The following ARFGEF3 variants were observed in gnomAD, a reference collection of about 807,000 sequenced individuals.
ARFGEF3 encodes the protein ARFGEF family member 3.
ARFGEF3 carries 96 observed loss-of-function variants against 221.7 expected under a neutral mutation model. The observed-to-expected ratio is 0.43, with a 90% confidence interval of 0.37 to 0.51. ARFGEF3 has a LOEUF of 0.51. Ranked by LOEUF, ARFGEF3 falls within the 20% of genes least tolerant of loss-of-function variation. The pLI is 0.00. For synonymous variants in ARFGEF3, 1,145 were observed against 1,126.8 expected (o/e 1.02, Z -0.32); for missense variants, 2,410 against 2,789.9 (o/e 0.86, Z 3.07).
chr6:138,281,615 T>C (rs1202665101), intron 14 of ARFGEF3, among the ~76,000 whole-genome samples: 1 of 152,258 alleles, frequency 6.6e-6, no homozygotes, highest in East Asian at 1.9e-4. Context: ...AGCCTTCAGC[T>C]ATGTCCATGT....
intron 2 of ARFGEF3, among the ~76,000 whole-genome samples, chr6:138,198,754 A>G (rs1188796296): frequency 1.3e-5 from 2 of 152,232 alleles, no homozygotes; most frequent in Non-Finnish European, 2.9e-5. Context: ...AACTGTCAAC[A>G]TAATGCATTG....
intron 14 of ARFGEF3, among the ~76,000 whole-genome samples, chr6:138,285,493 C>T (rs946991121): frequency 6.6e-6 from 1 of 151,706 alleles, no homozygotes; most frequent in African/African-American, 2.4e-5. Flanking sequence ...TTATTTATTG[C>T]ACTTTGCAAT....
intron 9 of ARFGEF3, 41 bp downstream of exon 9, chr6:138,254,025 C>A: frequency 7.4e-7 from 1 of 1,360,318 alleles, no homozygotes; most frequent in Non-Finnish European, 1.0e-6. Context: ...GATGCCAACC[C>A]AAGGGCTGCT....
intron 2 of ARFGEF3, among the ~76,000 whole-genome samples, chr6:138,178,671 A>C (rs2114444594): frequency 6.6e-6 from 1 of 152,180 alleles, no homozygotes; most frequent in Non-Finnish European, 1.5e-5. Flanking sequence ...GTGCCTTATA[A>C]ATGTTTGTGG....
Position 138,247,509 on chromosome 6 carries a change from A to G in ARFGEF3, c.665+1918A>G, listed in dbSNP as rs1778506426. ...CATCCCCGTCCAGTTCCCCTCCATCATAACACAGACAGCTGGTATAGCAGA... is the reference window on the plus strand; with the variant it reads ...CATCCCCGTCCAGTTCCCCTCCATCGTAACACAGACAGCTGGTATAGCAGA... On this transcript the variant is annotated intron_variant, in intron 8 of 33. Coordinates refer to ENST00000251691, the MANE Select transcript of ARFGEF3 (RefSeq NM_020340.5). Among the ~76,000 whole-genome samples the G allele has an allele frequency of 2.0e-5, 3 of 152,166 alleles. No homozygotes were observed. The South Asian group carries it at 6.2e-4, about 31-fold the overall frequency.
intron 31 of ARFGEF3, among the ~76,000 whole-genome samples, chr6:138,326,125 G>A (rs1487522696): frequency 6.6e-6 from 1 of 152,076 alleles, no homozygotes; most frequent in Admixed American, 6.5e-5. Context: ...CCAAAGTGCT[G>A]GGATTACAGG....
Position 138,255,850 on chromosome 6 carries a change from G to C in ARFGEF3, c.1104+81G>C, listed in dbSNP as rs570393307. The C allele has an allele frequency of 5.7e-5, 70 of 1,231,540 alleles. No homozygotes were observed. In the African/African-American group the frequency reaches 9.9e-4, roughly 17 times the overall value. The allele number at this position is 1,231,540 out of a possible 1,614,324, so 76.3% of individuals were successfully genotyped here. ...CGCATACAAGAAGCGCTCAGAAAAG[G>C]CTTGCCAATCACTTGCCGGAACTTC... On this transcript the variant is annotated intron_variant, in intron 10 of 33. Coordinates refer to ENST00000251691, the MANE Select transcript of ARFGEF3 (RefSeq NM_020340.5).
At position 138,255,542 on chromosome 6, in the gene ARFGEF3, T is replaced by C. The variant is rs1394693942; in HGVS notation, c.877T>C (p.Ser293Pro). The C allele has an allele frequency of 1.2e-6, 2 of 1,614,030 alleles. No homozygotes were observed. Among genetic ancestry groups the C allele is most frequent in the East Asian group, 2.2e-5 (1 of 44,892 alleles). ...CACCAGTACCAGCCTGGAGTCGGACTCTGCGTCTCCGGGAGTGTCTGACCA... is the reference window on the plus strand; with the variant it reads ...CACCAGTACCAGCCTGGAGTCGGACCCTGCGTCTCCGGGAGTGTCTGACCA... ...SSTSTSLESD[S>P]ASPGVSDHGR... is the part of the protein sequence containing the mutation. Residue 293 changes from serine to proline, a missense_variant, in exon 10 of 34, where the codon TCT becomes CCT. Transcript: ENST00000251691.
intron 2 of ARFGEF3, among the ~76,000 whole-genome samples, chr6:138,195,904 G>A (rs73774682): frequency 2.0e-5 from 3 of 151,762 alleles, no homozygotes; most frequent in East Asian, 3.9e-4. Context: ...AGCATTTCAC[G>A]GCAGGAAGTT....
At chr6:138,187,278 AG>A (rs1283632776) in intron 2 of ARFGEF3, among the ~76,000 whole-genome samples, 3 of 152,224 alleles carry the variant, frequency 2.0e-5, no homozygotes, top group Non-Finnish European at 4.4e-5. Context: ...ATAGAAACAA[AG>A]CTTTGGAGAA....
At chr6:138,236,999 CT>C (rs55774107) in intron 5 of ARFGEF3, among the ~76,000 whole-genome samples, 3 of 145,920 alleles carry the variant, frequency 2.1e-5, no homozygotes, top group African/African-American at 2.5e-5. Context: ...AGAAGACTGC[CT>C]TTTTTTTTTT....
At chr6:138,316,090 G>A (rs1255723276) in intron 26 of ARFGEF3, among the ~76,000 whole-genome samples, 1 of 152,080 alleles carries the variant, frequency 6.6e-6, no homozygotes. Context: ...AGTTGTAAAC[G>A]GTTGGGTATG....
chr6:138,286,172 C>T (rs926647704), intron 15 of ARFGEF3, 119 bp downstream of exon 15: 22 of 704,912 alleles, frequency 3.1e-5, no homozygotes, highest in South Asian at 1.5e-4. Flanking sequence ...GTAATTGGGC[C>T]GGGCCCGGTG....
At chr6:138,203,801 C>T (rs1562352130) in intron 2 of ARFGEF3, among the ~76,000 whole-genome samples, 2 of 152,124 alleles carry the variant, frequency 1.3e-5, no homozygotes, top group Non-Finnish European at 2.9e-5. Flanking sequence ...CCACCATGCC[C>T]AGCTGATTTT....
rs1780277531 is a variant in ARFGEF3, at chr6:138,334,174, C to G, written c.5328C>G (p.Asp1776Glu). ...NLAVIFDLLL[D>E]SYRTAREFDT... ...CAGTCATATTCGACCTGCTGCTGGA[C>G]TCTTATAGGACTGCCAGGGAGTTTG... The change falls in exon 33 of 34, where the codon GAC becomes GAG. Residue 1776 changes from aspartate to glutamate, a missense_variant. Asp to Glu is a conservative substitution (Grantham distance 45). Around this residue, in one of 5 missense-constraint regions of ARFGEF3, gnomAD observed 723 missense variants for 991.9 expected, o/e 0.73. Transcript: ENST00000251691. The surrounding 1 kb of genome is among the most constrained non-coding windows in gnomAD (Gnocchi z 5.1). 1 of 1,613,780 alleles carries G rather than the reference C, an allele frequency of 6.2e-7. No individual in the cohort carries two copies. Among genetic ancestry groups the G allele is most frequent in the African/African-American group, 1.3e-5 (1 of 74,924 alleles).
chr6:138,239,344 T>A (rs115760564), intron 6 of ARFGEF3, among the ~76,000 whole-genome samples: 427 of 152,294 alleles, frequency 2.8e-3, no homozygotes, highest in African/African-American at 9.3e-3. Flanking sequence ...AGTTATTTGT[T>A]CAAATGGAAA....
chr6:138,166,816 C>T (rs972063382), intron 1 of ARFGEF3, among the ~76,000 whole-genome samples: 3 of 152,094 alleles, frequency 2.0e-5, no homozygotes, highest in East Asian at 1.9e-4. Flanking sequence ...ACTAGAGGTA[C>T]GAAGGCCAAG....
chr6:138,325,968 T>A (rs1322384487), intron 31 of ARFGEF3, among the ~76,000 whole-genome samples: 3 of 152,168 alleles, frequency 2.0e-5, no homozygotes, highest in African/African-American at 7.2e-5. Context: ...GTGATTCTCC[T>A]GCCTCAGCCT....
At chr6:138,305,983 T>A (rs1191245465) in intron 22 of ARFGEF3, among the ~76,000 whole-genome samples, 1 of 152,198 alleles carries the variant, frequency 6.6e-6, no homozygotes, top group Non-Finnish European at 1.5e-5. Flanking sequence ...CTGCTCAACA[T>A]TAACTTTTGC....
Sources: allele counts gnomAD v4.1 joint callset (sites outside exome capture counted in the v4.1 genomes callset), GRCh38; gene constraint gnomAD v4.1.1; regional missense constraint gnomAD v4.1.1; non-coding constraint Gnocchi (gnomAD v3.1); transcripts MANE v1.5; gene names NCBI Gene and HGNC (gene_info 2026-07-23, HGNC 2026-07-21).